The following CEP76 variants were observed in gnomAD, a reference collection of about 807,000 sequenced individuals.
The protein encoded by CEP76 is centrosomal protein 76.
CEP76 carries 55 observed loss-of-function variants against 83.3 expected under a neutral mutation model. That is an observed-to-expected ratio of 0.66 (90% CI 0.53 to 0.83). The LOEUF is 0.83. Among genes scored for constraint, CEP76 ranks in the 40% least tolerant of loss-of-function variants. The pLI is 0.00. For missense variants in CEP76, 694 were observed against 799.5 expected, an observed-to-expected ratio of 0.87 and a Z score of 1.59; for synonymous variants, 270 against 274.5, an observed-to-expected ratio of 0.98 and a Z score of 0.16.
chr18:12,700,071 G>A, intron 2 of CEP76, 166 bp from the exon 3 acceptor site: 3 of 428,818 alleles, frequency 7.0e-6, no homozygotes, highest in South Asian at 6.8e-5. Flanking sequence ...ATAAAAGCCT[G>A]CATAAAAGAT....
At chr18:12,670,250 A>T (rs1427601939), downstream of CEP76, among the ~76,000 whole-genome samples, 1 of 151,472 alleles carries the variant, frequency 6.6e-6, no homozygotes, top group Admixed American at 6.6e-5. Context: ...GAACTGCTTG[A>T]ACCTGCGAGG....
intron 4 of CEP76, among the ~76,000 whole-genome samples, chr18:12,698,310 G>A (rs968320367): frequency 2.6e-5 from 4 of 151,628 alleles, no homozygotes; most frequent in East Asian, 3.9e-4. Context: ...CTCATTACAC[G>A]CGCCTGCCAC....
intron 1 of CEP76, among the ~76,000 whole-genome samples, chr18:12,701,844 A>T (rs931010854): frequency 6.6e-6 from 1 of 152,222 alleles, no homozygotes; most frequent in African/African-American, 2.4e-5. Context: ...AGAAACCCTG[A>T]TATCTGCCGG....
chr18:12,695,153 A>G (rs977249172), intron 6 of CEP76, 101 bp downstream of exon 6: 5 of 487,314 alleles, frequency 1.0e-5, no homozygotes, highest in Admixed American at 8.1e-5. Context: ...GAAAGTAATA[A>G]ATGGTAATTT....
At chr18:12,698,370 T>C (rs1363815592) in intron 4 of CEP76, among the ~76,000 whole-genome samples, 2 of 152,064 alleles carry the variant, frequency 1.3e-5, no homozygotes, top group South Asian at 2.1e-4. Flanking sequence ...GGTTTCGACA[T>C]GTTGGCTAGG....
chr18:12,697,728 T>G (rs750384498), intron 4 of CEP76, among the ~76,000 whole-genome samples: 1 of 152,198 alleles, frequency 6.6e-6, no homozygotes. Context: ...AGCCTTCAAG[T>G]ATGTCAATAT....
downstream of CEP76, among the ~76,000 whole-genome samples, chr18:12,669,377 G>A (rs549036742): frequency 5.6e-3 from 855 of 152,054 alleles, 3 homozygotes; most frequent in South Asian, 0.017. Context: ...CTTCCAAAGT[G>A]CTGGGATTAC....
At chr18:12,664,138 C>A (rs2038756200) in intron 12 of CEP76, among the ~76,000 whole-genome samples, 1 of 151,650 alleles carries the variant, frequency 6.6e-6, no homozygotes, top group Non-Finnish European at 1.5e-5. Flanking sequence ...GCACTCCAGT[C>A]TGGGCAACCA....
At chr18:12,676,279 CTTTTTTT>C (rs1157897766) in intron 10 of CEP76, among the ~76,000 whole-genome samples, 1 of 106,404 alleles carries the variant, frequency 9.4e-6, no homozygotes. Context: ...ACAGTAATTC[CTTTTTTT>C]TTTTTTTTTT....
intron 8 of CEP76, among the ~76,000 whole-genome samples, chr18:12,683,913 ACT>A (rs1242976617): frequency 2.0e-5 from 3 of 151,598 alleles, no homozygotes; most frequent in African/African-American, 7.3e-5. Context: ...GAAATAATAA[ACT>A]AGGAATAGAA....
At chr18:12,696,803 G>A (rs2039973620) in intron 5 of CEP76, among the ~76,000 whole-genome samples, 1 of 152,090 alleles carries the variant, frequency 6.6e-6, no homozygotes. Flanking sequence ...CACTGTAAAA[G>A]GTTGGGAGAA....
Position 12,692,727 on chromosome 18 carries a change from TCTAG to T in CEP76, c.805-1244_805-1241del, listed in dbSNP as rs1458211803. ...ATCTAAACTCCTTGAGAGCAAGCTG[TCTAG>T]CTGTCTGCTGCCCTATACACAGCTA... On this transcript the variant is annotated intron_variant, in intron 6 of 11. Coordinates refer to ENST00000262127, the MANE Select transcript of CEP76 (RefSeq NM_024899.4). Among the ~76,000 whole-genome samples, 3 of 152,260 alleles carry T rather than the reference TCTAG, an allele frequency of 2.0e-5. No homozygotes were observed. In the East Asian group the frequency reaches 5.8e-4, roughly 29 times the overall value.
chr18:12,677,862 C>G (rs2039199861), intron 10 of CEP76, among the ~76,000 whole-genome samples: 2 of 152,268 alleles, frequency 1.3e-5, no homozygotes, highest in South Asian at 4.1e-4. Flanking sequence ...GGGATGTGAA[C>G]AAGTTCACCA....
intron 9 of CEP76, 33 bp downstream of exon 9, chr18:12,680,629 A>G: frequency 7.3e-7 from 1 of 1,370,184 alleles, no homozygotes; most frequent in Non-Finnish European, 1.0e-6. Context: ...TTATAACTTC[A>G]TTTTAATATC....
At position 12,699,829 on chromosome 18, in the gene CEP76, C is replaced by T; in HGVS notation, c.295+1G>A. 1 of 1,510,052 alleles carries T rather than the reference C, an allele frequency of 6.6e-7. No homozygotes were observed. The highest frequency in any genetic ancestry group is 9.0e-7 in the Non-Finnish European group (1 of 1,108,510). The allele number at this position is 1,510,052 out of a possible 1,614,324, so 93.5% of individuals were successfully genotyped here. ...CTAAATTAATGTTAAAATATACATACTTTTTTTTAATGTCGATTGTCTATC... is the reference window on the plus strand; with the variant it reads ...CTAAATTAATGTTAAAATATACATATTTTTTTTTAATGTCGATTGTCTATC... On this transcript the variant is annotated splice_donor_variant, in intron 3 of 11. Transcript: ENST00000262127. LOFTEE classifies it high-confidence loss of function.
chr18:12,699,236 G>A (rs1364008081), intron 3 of CEP76, 33 bp from the exon 4 acceptor site: 1 of 1,387,564 alleles, frequency 7.2e-7, no homozygotes, highest in African/African-American at 1.4e-5. Flanking sequence ...TGAGGAAACT[G>A]CCAAATAACT....
intron 9 of CEP76, chr18:12,679,169 T>C (rs995680352): frequency 2.0e-5 from 3 of 151,852 alleles, no homozygotes; most frequent in African/African-American, 4.8e-5. Context: ...GAATAATAAA[T>C]ATTGAAAGAC....
intron 11 of CEP76, 69 bp downstream of exon 11, chr18:12,674,467 A>G: frequency 2.5e-6 from 3 of 1,214,206 alleles, no homozygotes; most frequent in Non-Finnish European, 3.5e-6. Flanking sequence ...AGGAAATTAA[A>G]AAAACCCCTG....
chr18:12,689,872 C>T (rs2039686843), intron 7 of CEP76, among the ~76,000 whole-genome samples: 1 of 152,204 alleles, frequency 6.6e-6, no homozygotes, highest in South Asian at 2.1e-4. Flanking sequence ...TCACTGCAAC[C>T]TCCGCCTCCC....
Sources: allele counts gnomAD v4.1 joint callset (sites outside exome capture counted in the v4.1 genomes callset), GRCh38; gene constraint gnomAD v4.1.1; transcripts MANE v1.5; gene names NCBI Gene and HGNC (gene_info 2026-07-23, HGNC 2026-07-21).